Variants in DLG2 observed in about 807,000 individuals in gnomAD.
DLG2 encodes discs large MAGUK scaffold protein 2, also known as disks large homolog 2.
A neutral mutation model predicts 132.5 loss-of-function variants in DLG2; 45 were observed. The ratio of observed to expected loss-of-function variants is 0.34; its 90% CI spans 0.27 to 0.44. DLG2 has a LOEUF of 0.44. Ranked by LOEUF, DLG2 falls within the 20% of genes least tolerant of loss-of-function variation. The pLI is 1.00. For missense variants in DLG2, 1,045 were observed against 1,196.9 expected, an observed-to-expected ratio of 0.87 and a Z score of 1.87; for synonymous variants, 424 against 419.6, an observed-to-expected ratio of 1.01 and a Z score of -0.13.
intron 3 of DLG2, among the ~76,000 whole-genome samples, chr11:85,511,488 A>G (rs1339540154): frequency 6.6e-6 from 1 of 152,026 alleles, no homozygotes; most frequent in Admixed American, 6.6e-5. Flanking sequence ...AGAGATTATA[A>G]CATTTTAACA....
At chr11:83,483,628 A>T (rs976164146) in intron 22 of DLG2, among the ~76,000 whole-genome samples, 1 of 152,198 alleles carries the variant, frequency 6.6e-6, no homozygotes, top group African/African-American at 2.4e-5. Flanking sequence ...TCCAAATTTC[A>T]TAGCAAATTC....
At chr11:83,719,895 C>A (rs970511105) in intron 18 of DLG2, among the ~76,000 whole-genome samples, 1 of 152,050 alleles carries the variant, frequency 6.6e-6, no homozygotes, top group Admixed American at 6.6e-5. Flanking sequence ...CCTTTGTTCC[C>A]GACAAACAGA....
chr11:83,873,776 A>G (rs941856946), intron 16 of DLG2, among the ~76,000 whole-genome samples: 2 of 152,134 alleles, frequency 1.3e-5, no homozygotes, highest in Non-Finnish European at 1.5e-5. Context: ...ATATCCATGT[A>G]TGCTTCAGTC....
chr11:84,369,227 C>T (rs902458272), intron 7 of DLG2, among the ~76,000 whole-genome samples: 4 of 151,896 alleles, frequency 2.6e-5, no homozygotes, highest in African/African-American at 9.7e-5. Context: ...AAATAGAGAG[C>T]TCCAGACTCC....
intron 5 of DLG2, among the ~76,000 whole-genome samples, chr11:85,154,072 A>T (rs1473475496): frequency 6.7e-6 from 1 of 150,020 alleles, no homozygotes; most frequent in African/African-American, 2.4e-5. Context: ...GAAGTACAAA[A>T]ATGTGTTTTC....
intron 3 of DLG2, among the ~76,000 whole-genome samples, chr11:85,422,408 G>A (rs2090387890): frequency 6.6e-6 from 1 of 152,020 alleles, no homozygotes; most frequent in African/African-American, 2.4e-5. Context: ...TCTTTGTTGG[G>A]TTGGGTTAAT....
chr11:84,438,151 C>A (rs1427806483), intron 7 of DLG2, among the ~76,000 whole-genome samples: 1 of 152,180 alleles, frequency 6.6e-6, no homozygotes. Flanking sequence ...ACACAAGCAT[C>A]CTTCTCTTTT....
chr11:84,355,057 A>G (rs2098602838), intron 7 of DLG2, among the ~76,000 whole-genome samples: 1 of 152,076 alleles, frequency 6.6e-6, no homozygotes, highest in African/African-American at 2.4e-5. Flanking sequence ...CATAAGCCCT[A>G]CTTTAGTTCA....
intron 3 of DLG2, among the ~76,000 whole-genome samples, chr11:85,542,700 C>T (rs1219749858): frequency 6.6e-6 from 1 of 152,128 alleles, no homozygotes; most frequent in African/African-American, 2.4e-5. Context: ...TTCTCTGTTC[C>T]TATGTCATAG....
chr11:84,424,556 A>G (rs934462908), intron 7 of DLG2, among the ~76,000 whole-genome samples: 23 of 152,136 alleles, frequency 1.5e-4, no homozygotes, highest in African/African-American at 5.3e-4. Flanking sequence ...GAGGAAGCAC[A>G]CGAGGTTTAA....
intron 6 of DLG2, among the ~76,000 whole-genome samples, chr11:85,081,849 A>C (rs985957512): frequency 1.3e-4 from 20 of 152,164 alleles, no homozygotes; most frequent in African/African-American, 4.6e-4. Flanking sequence ...TCTATAAAGA[A>C]ATCATCTGAC....
At chr11:84,619,532 A>T (rs1333861153) in intron 6 of DLG2, among the ~76,000 whole-genome samples, 1 of 151,734 alleles carries the variant, frequency 6.6e-6, no homozygotes, top group Non-Finnish European at 1.5e-5. Flanking sequence ...ATAAAAGAAG[A>T]AAGAAAAAAA....
chr11:84,147,328 G>A (rs2095122150), intron 9 of DLG2, among the ~76,000 whole-genome samples: 1 of 152,160 alleles, frequency 6.6e-6, no homozygotes, highest in Non-Finnish European at 1.5e-5. Flanking sequence ...GAATCACGGG[G>A]TTGGAAAGAG....
At chr11:83,801,304 C>T (rs2044307505) in intron 17 of DLG2, among the ~76,000 whole-genome samples, 3 of 152,082 alleles carry the variant, frequency 2.0e-5, no homozygotes, top group Admixed American at 1.3e-4. Flanking sequence ...CCACTCCTCC[C>T]ACCCTCCTCT....
intron 6 of DLG2, among the ~76,000 whole-genome samples, chr11:84,656,237 C>A (rs947425164): frequency 9.2e-5 from 14 of 152,202 alleles, no homozygotes; most frequent in African/African-American, 3.1e-4. Flanking sequence ...TAAACTCTTC[C>A]ATGTGTATAA....
chr11:84,224,643 T>G (rs556000646), intron 8 of DLG2, among the ~76,000 whole-genome samples: 2 of 152,278 alleles, frequency 1.3e-5, no homozygotes, highest in East Asian at 3.9e-4. Flanking sequence ...AAAAAGAAAC[T>G]AAGTCCCTGC....
intron 6 of DLG2, among the ~76,000 whole-genome samples, chr11:84,985,251 A>G (rs1468614613): frequency 6.6e-6 from 1 of 152,174 alleles, no homozygotes; most frequent in Middle Eastern, 3.2e-3. Flanking sequence ...CAATAAATTT[A>G]AGAAAATTGA....
chr11:83,758,083 T>G (rs1022657887), intron 18 of DLG2, among the ~76,000 whole-genome samples: 5 of 152,218 alleles, frequency 3.3e-5, no homozygotes, highest in Non-Finnish European at 5.9e-5. Flanking sequence ...TTTTGCTGAC[T>G]GTAAATGTCT....
At chr11:85,284,829 T>C (rs1275058465) in intron 4 of DLG2, among the ~76,000 whole-genome samples, 1 of 150,844 alleles carries the variant, frequency 6.6e-6, no homozygotes, top group East Asian at 2.0e-4. Flanking sequence ...AACTGATCAT[T>C]TTATATTCTT....
Sources: allele counts gnomAD v4.1 joint callset (sites outside exome capture counted in the v4.1 genomes callset), GRCh38; gene constraint gnomAD v4.1.1; transcripts MANE v1.5; gene names NCBI Gene and HGNC (gene_info 2026-07-23, HGNC 2026-07-21).